Variants in CASK observed in about 807,000 individuals in gnomAD.
The protein encoded by CASK is calcium/calmodulin dependent serine protein kinase.
In CASK, 4 loss-of-function variants were observed where a neutral mutation model predicts 82.9. The observed-to-expected ratio is 0.05, with a 90% CI of 0.02 to 0.11. CASK has a LOEUF of 0.11. CASK is among the 10% of genes least tolerant of loss of function. The pLI, the probability that CASK is intolerant of heterozygous loss-of-function variation, is 1.00. For missense variants in CASK, 358 were observed against 720.9 expected (o/e 0.50, Z 5.76); for synonymous variants, 259 against 253.5 (o/e 1.02, Z -0.20).
intron 1 of CASK, among the ~76,000 whole-genome samples, chrX:41,905,745 T>G (rs2072459862): frequency 8.9e-6 from 1 of 112,728 alleles, no homozygotes; most frequent in East Asian, 2.8e-4. Flanking sequence ...ACTGCACACC[T>G]GCAAGTCTCC....
At chrX:41,757,886 C>T (rs1180462329) in intron 3 of CASK, among the ~76,000 whole-genome samples, 1 of 112,032 alleles carries the variant, frequency 8.9e-6, no homozygotes, top group East Asian at 2.8e-4. Context: ...GGTATTTTGT[C>T]TTCAGCATAC....
Position 41,883,371 on chromosome X carries a change from T to C in CASK, c.60-30144A>G, listed in dbSNP as rs748838133. On this transcript the variant is annotated intron_variant, in intron 1 of 26. Transcript: ENST00000378163. ...ATAAGCAGTAACTCAGAGAAGTGGC[T>C]GTCTTAGCAGGAGATGAAACCACAA... Among the ~76,000 whole-genome samples, 5 of 111,458 alleles carry C rather than the reference T, an allele frequency of 4.5e-5. No homozygotes were observed. In the South Asian group the frequency reaches 1.9e-3, roughly 42 times the overall value.
chrX:41,816,861 C>G (rs1044219841), intron 2 of CASK, among the ~76,000 whole-genome samples: 1 of 111,279 alleles, frequency 9.0e-6, no homozygotes, highest in Non-Finnish European at 1.9e-5. Context: ...AGTTAAAAAT[C>G]GTCCTTCAAA....
intron 25 of CASK, among the ~76,000 whole-genome samples, chrX:41,527,536 G>A (rs760183786): frequency 4.7e-4 from 53 of 111,937 alleles, no homozygotes; most frequent in Non-Finnish European, 8.3e-4. Context: ...ACAGAGGCAA[G>A]CATCTGAGTC....
chrX:41,882,955 C>T (rs750543962), intron 1 of CASK, among the ~76,000 whole-genome samples: 11 of 111,826 alleles, frequency 9.8e-5, no homozygotes, highest in Non-Finnish European at 1.9e-4. Flanking sequence ...AAATAAACCC[C>T]AAGCTGCCCA....
chrX:41,523,833 A>G, intron 26 of CASK, 118 bp downstream of exon 26: 1 of 583,483 alleles, frequency 1.7e-6, no homozygotes, highest in South Asian at 2.5e-5. Flanking sequence ...ATTCTATTCC[A>G]CATCCCATTT....
At chrX:41,900,645 G>T (rs1394859727) in intron 1 of CASK, among the ~76,000 whole-genome samples, 1 of 52,520 alleles carries the variant, frequency 1.9e-5, no homozygotes, top group Non-Finnish European at 3.7e-5. Flanking sequence ...TTCTCATATT[G>T]TTTGTGTATT....
intron 25 of CASK, chrX:41,524,282 AATCT>A: frequency 2.7e-6 from 1 of 367,448 alleles, no homozygotes; most frequent in Non-Finnish European, 4.7e-6. Flanking sequence ...CTCATGAATC[AATCT>A]ATTTTTCTTC....
intron 13 of CASK, among the ~76,000 whole-genome samples, chrX:41,589,285 T>C (rs769043331): frequency 2.7e-5 from 3 of 112,475 alleles, no homozygotes; most frequent in Admixed American, 9.5e-5. Context: ...TTGATGGTAA[T>C]GTATTCAAGT....
intron 5 of CASK, among the ~76,000 whole-genome samples, chrX:41,738,314 G>A (rs1039470079): frequency 5.3e-5 from 6 of 112,618 alleles, no homozygotes; most frequent in Middle Eastern, 4.6e-3. Flanking sequence ...TGAGATGCTC[G>A]GTGTTGAGTT....
At chrX:41,679,432 T>C (rs902413328) in intron 5 of CASK, among the ~76,000 whole-genome samples, 2 of 112,479 alleles carry the variant, frequency 1.8e-5, no homozygotes, top group Non-Finnish European at 3.8e-5. Flanking sequence ...ATTCATTTTG[T>C]TGTGATCAGT....
intron 3 of CASK, among the ~76,000 whole-genome samples, chrX:41,781,648 AG>A (rs1304650373): frequency 8.9e-6 from 1 of 111,886 alleles, no homozygotes; most frequent in African/African-American, 3.2e-5. Context: ...GGAGTAGCTT[AG>A]TCTACGTAGC....
At chrX:41,866,924 T>C (rs188996279) in intron 1 of CASK, among the ~76,000 whole-genome samples, 4 of 111,826 alleles carry the variant, frequency 3.6e-5, no homozygotes, top group African/African-American at 1.3e-4. Flanking sequence ...CTAGGGGTTC[T>C]GCTCTGTTGT....
At chrX:41,848,721 C>T (rs1036733721) in intron 2 of CASK, among the ~76,000 whole-genome samples, 83 of 112,025 alleles carry the variant, frequency 7.4e-4, no homozygotes, top group African/African-American at 2.7e-3. Flanking sequence ...TATGGGAATG[C>T]GGCCTTAGAG....
At chrX:41,914,101 C>T (rs1299394120) in intron 1 of CASK, among the ~76,000 whole-genome samples, 1 of 112,145 alleles carries the variant, frequency 8.9e-6, no homozygotes, top group Non-Finnish European at 1.9e-5. Context: ...ACATTAAAAT[C>T]TGCATGTAGT....
intron 2 of CASK, among the ~76,000 whole-genome samples, chrX:41,849,047 A>G (rs1243856973): frequency 9.0e-6 from 1 of 111,449 alleles, no homozygotes; most frequent in Admixed American, 9.5e-5. Context: ...TACTTCTTCA[A>G]TTTCACTGAT....
At chrX:41,833,402 T>C (rs1253222397) in intron 2 of CASK, among the ~76,000 whole-genome samples, 1 of 111,944 alleles carries the variant, frequency 8.9e-6, no homozygotes, top group Non-Finnish European at 1.9e-5. Flanking sequence ...ACATATTCTA[T>C]GGTTCCATTT....
chrX:41,811,292 C>T (rs1052296569), intron 2 of CASK, among the ~76,000 whole-genome samples: 2 of 112,250 alleles, frequency 1.8e-5, no homozygotes, highest in Non-Finnish European at 3.8e-5. Flanking sequence ...CTTCTCAGCA[C>T]CACATTGCAT....
At chrX:41,745,174 C>T (rs1031478246) in intron 4 of CASK, among the ~76,000 whole-genome samples, 3 of 111,353 alleles carry the variant, frequency 2.7e-5, no homozygotes, top group East Asian at 5.6e-4. Flanking sequence ...CATGCCACCA[C>T]GCCCAGCTAA....
Sources: gnomAD v4.1 joint callset for allele counts (sites outside exome capture counted in the v4.1 genomes callset) on GRCh38, gnomAD v4.1.1 for gene constraint, MANE v1.5 for transcripts, NCBI Gene and HGNC (gene_info 2026-07-23, HGNC 2026-07-21) for gene names.